Variants in PCNX1 observed in about 807,000 individuals in gnomAD.
PCNX1 encodes pecanex 1.
A neutral mutation model predicts 242.2 loss-of-function variants in PCNX1; 78 were observed. The ratio of observed to expected loss-of-function variants is 0.32; its 90% CI spans 0.27 to 0.39. The LOEUF is 0.39. PCNX1 is among the 10% of genes least tolerant of loss of function. The pLI is 1.00. For missense variants in PCNX1, 2,581 were observed against 2,856.5 expected, an observed-to-expected ratio of 0.90 and a Z score of 2.20; for synonymous variants, 1,024 against 1,032.9, an observed-to-expected ratio of 0.99 and a Z score of 0.17.
At chr14:70,953,664 CT>C (rs33967128) in intron 2 of PCNX1, among the ~76,000 whole-genome samples, 8,257 of 114,842 alleles carry the variant, frequency 0.072, 318 homozygotes, top group African/African-American at 0.12. Flanking sequence ...TTTTTTCTTT[CT>C]TTTTTTTTTT....
chr14:71,106,310 G>A (rs561722541), intron 33 of PCNX1, among the ~76,000 whole-genome samples: 20 of 152,230 alleles, frequency 1.3e-4, no homozygotes, highest in African/African-American at 2.2e-4. Context: ...GAGCCACCAC[G>A]CCCAGCTGAA....
Position 70,978,404 on chromosome 14 carries a change from A to C in PCNX1, c.2067A>C (p.Arg689=). 6.2e-7 allele frequency: 1 copy of C among 1,614,200 alleles called. No homozygotes were observed. The highest frequency in any genetic ancestry group is 8.5e-7 in the Non-Finnish European group (1 of 1,180,030). The change falls in exon 6 of 36, where the codon CGA becomes CGC. Residue 689 remains arginine, a synonymous_variant. Coordinates refer to ENST00000304743, the MANE Select transcript of PCNX1 (RefSeq NM_014982.3). ...SSTNSAKTRA[R]VLSLDSGTVA... The stretch of plus-strand genomic sequence containing the variant: ...CAAATAGTGCCAAGACTCGTGCCCG[A>C]GTGTTGAGCCTGGACAGTGGCACAG...
At position 71,047,098 on chromosome 14, in the gene PCNX1, A is replaced by C; in HGVS notation, c.4153A>C (p.Asn1385His). Residue 1385 changes from asparagine (N) to histidine (H), a missense_variant, in exon 21 of 36, where the codon AAT becomes CAT. Around this residue, in one of 9 missense-constraint regions of PCNX1, gnomAD observed 432 missense variants for 443.1 expected, o/e 0.97. Transcript: ENST00000304743. ...AETIASPKKLNTELGALMITV... is the reference protein window; with the variant it reads ...AETIASPKKLHTELGALMITV... ...GACAATTGCTAGTCCAAAGAAACTG[A>C]ATACAGAGTAAGTATAGTAGTCTTC... is the stretch of plus-strand genomic sequence containing the variant. 1 of 1,597,992 alleles carries C rather than the reference A, an allele frequency of 6.3e-7. No individual in the cohort carries two copies. Among genetic ancestry groups the C allele is most frequent in the Non-Finnish European group, 8.6e-7 (1 of 1,168,176 alleles).
chr14:71,073,854 G>A, intron 27 of PCNX1, 56 bp downstream of exon 27: 1 of 1,352,246 alleles, frequency 7.4e-7, no homozygotes, highest in Non-Finnish European at 1.0e-6. Flanking sequence ...TCTTGGGAAT[G>A]ACATATATAA....
At chr14:70,966,705 G>A (rs546943269) in intron 3 of PCNX1, among the ~76,000 whole-genome samples, 20 of 152,298 alleles carry the variant, frequency 1.3e-4, no homozygotes, top group Non-Finnish European at 2.6e-4. Context: ...CTGAGCAAAT[G>A]ACTACCATAT....
At chr14:70,937,700 A>G (rs144144584) in intron 1 of PCNX1, among the ~76,000 whole-genome samples, 5 of 152,352 alleles carry the variant, frequency 3.3e-5, no homozygotes, top group African/African-American at 1.2e-4. Flanking sequence ...TGGGGATGGC[A>G]TTGAATCTAT....
At chr14:70,934,482 A>T (rs750516851) in intron 1 of PCNX1, among the ~76,000 whole-genome samples, 1 of 152,158 alleles carries the variant, frequency 6.6e-6, no homozygotes, top group African/African-American at 2.4e-5. Context: ...GGGTCTCACT[A>T]TGTTGCCTAG....
intron 12 of PCNX1, among the ~76,000 whole-genome samples, chr14:71,020,854 G>A (rs1462871278): frequency 6.6e-6 from 1 of 152,146 alleles, no homozygotes; most frequent in Non-Finnish European, 1.5e-5. Context: ...GTCCTGAATG[G>A]TATTGCCTAG....
chr14:71,089,871 T>A (rs889863704), intron 30 of PCNX1, among the ~76,000 whole-genome samples: 1 of 152,198 alleles, frequency 6.6e-6, no homozygotes. Context: ...ATATATTAAA[T>A]CTTTAAAACC....
intron 15 of PCNX1, 61 bp from the exon 16 acceptor site, chr14:71,028,639 C>A: frequency 1.0e-6 from 1 of 959,668 alleles, no homozygotes; most frequent in South Asian, 1.5e-5. Context: ...TTTCAGTGAC[C>A]TTTTAATTAT....
chr14:71,000,118 C>T (rs1039011257), intron 8 of PCNX1, among the ~76,000 whole-genome samples: 4 of 151,674 alleles, frequency 2.6e-5, no homozygotes, highest in African/African-American at 7.3e-5. Context: ...TGAGGGGCAA[C>T]AAAGTATATA....
intron 1 of PCNX1, among the ~76,000 whole-genome samples, chr14:70,909,389 G>A (rs1170264354): frequency 1.3e-5 from 2 of 152,034 alleles, no homozygotes; most frequent in Non-Finnish European, 2.9e-5. Context: ...ATTAATTTTG[G>A]CCTAGGGAGT....
chr14:70,910,548 G>A (rs966179989), intron 1 of PCNX1, among the ~76,000 whole-genome samples: 1 of 151,958 alleles, frequency 6.6e-6, no homozygotes, highest in African/African-American at 2.4e-5. Context: ...CCAGATACCT[G>A]TGTGGCTGCT....
Position 71,051,944 on chromosome 14 carries a change from C to T in PCNX1, c.4509C>T (p.Pro1503=). Residue 1503 remains proline (P), a synonymous_variant, in exon 24 of 36, where the codon CCC becomes CCT. Coordinates refer to ENST00000304743, the MANE Select transcript of PCNX1 (RefSeq NM_014982.3). ...CCTTCTTCTCTACTCCACTGAACCC[C>T]TTTCTGGGAAGTGCAATATTCATCA... is the stretch of plus-strand genomic sequence containing the variant. The part of the protein sequence containing the change: ...VSAFFSTPLN[P]FLGSAIFITS... 1.2e-6 allele frequency: 2 copies of T among 1,613,564 alleles called. No homozygotes were observed. Among genetic ancestry groups the T allele is most frequent in the South Asian group, 2.2e-5 (2 of 91,074 alleles).
At chr14:71,039,224 A>T (rs924931279) in intron 19 of PCNX1, among the ~76,000 whole-genome samples, 40 of 142,132 alleles carry the variant, frequency 2.8e-4, no homozygotes, top group South Asian at 8.9e-4. Context: ...AAGTATAATT[A>T]AAAAAAAAAA....
chr14:70,973,267 A>G (rs2058595277), intron 5 of PCNX1, among the ~76,000 whole-genome samples: 1 of 151,898 alleles, frequency 6.6e-6, no homozygotes, highest in Non-Finnish European at 1.5e-5. Flanking sequence ...AAAAAAAAAA[A>G]AAGAAAAAGT....
chr14:71,055,418 C>A, intron 24 of PCNX1, 86 bp from the exon 25 acceptor site: 1 of 751,702 alleles, frequency 1.3e-6, no homozygotes, highest in Non-Finnish European at 2.3e-6. Context: ...TTATTTTATA[C>A]ATTTCCTATA....
At chr14:71,056,934 A>G (rs2061198759) in intron 25 of PCNX1, among the ~76,000 whole-genome samples, 1 of 152,070 alleles carries the variant, frequency 6.6e-6, no homozygotes, top group Admixed American at 6.5e-5. Context: ...TCAGCCTCCC[A>G]AAGTGCTGAG....
At chr14:71,094,596 C>G (rs1348904408) in intron 30 of PCNX1, among the ~76,000 whole-genome samples, 1 of 152,112 alleles carries the variant, frequency 6.6e-6, no homozygotes, top group Non-Finnish European at 1.5e-5. Flanking sequence ...CCCACCCCCT[C>G]CAACCTTATG....
Sources: allele counts gnomAD v4.1 joint callset (sites outside exome capture counted in the v4.1 genomes callset), GRCh38; gene constraint gnomAD v4.1.1; regional missense constraint gnomAD v4.1.1; transcripts MANE v1.5; gene names NCBI Gene and HGNC (gene_info 2026-07-23, HGNC 2026-07-21).